The following R3HCC1L variants were observed in gnomAD, a reference collection of about 807,000 sequenced individuals.
The protein encoded by R3HCC1L is R3H domain and coiled-coil containing 1 like.
Under a neutral mutation model 59.9 loss-of-function variants are expected in R3HCC1L, and 51 were observed. The observed-to-expected ratio is 0.85, with a 90% CI of 0.68 to 1.07. The LOEUF is 1.07. R3HCC1L is among the 50% of genes least tolerant of loss of function. The probability of loss-of-function intolerance (pLI) is 0.00; values close to 1 mark genes in which losing one functional copy is unlikely to be tolerated. For synonymous variants in R3HCC1L, 322 were observed against 315.2 expected (o/e 1.02, Z -0.23); for missense variants, 965 against 933.0 (o/e 1.03, Z -0.45).
intron 5 of R3HCC1L, among the ~76,000 whole-genome samples, chr10:98,214,008 G>A (rs573005176): frequency 6.6e-6 from 1 of 152,134 alleles, no homozygotes; most frequent in African/African-American, 2.4e-5. Flanking sequence ...CTAGATCTCT[G>A]GTCCAAACAG....
At chr10:98,156,383 T>C (rs1846883538) in intron 2 of R3HCC1L, among the ~76,000 whole-genome samples, 1 of 152,194 alleles carries the variant, frequency 6.6e-6, no homozygotes. Flanking sequence ...TGCCTTCTGC[T>C]GCTGGTGCAC....
At chr10:98,184,734 A>G (rs1015581330) in intron 4 of R3HCC1L, among the ~76,000 whole-genome samples, 4 of 151,916 alleles carry the variant, frequency 2.6e-5, no homozygotes, top group African/African-American at 9.7e-5. Flanking sequence ...AGGTGTTTCC[A>G]TTTTCTCTGG....
chr10:98,189,794 T>C (rs1850636215), intron 4 of R3HCC1L, among the ~76,000 whole-genome samples: 2 of 152,224 alleles, frequency 1.3e-5, no homozygotes, highest in South Asian at 2.1e-4. Flanking sequence ...TTTTAAAATA[T>C]GAAGCCATTT....
chr10:98,146,382 T>G (rs1241765587), intron 1 of R3HCC1L, among the ~76,000 whole-genome samples: 1 of 152,252 alleles, frequency 6.6e-6, no homozygotes, highest in Non-Finnish European at 1.5e-5. Context: ...TTAGTCATCC[T>G]ACTGATCTAT....
At chr10:98,134,817 G>T (rs1246792243) in intron 1 of R3HCC1L, 111 bp downstream of exon 1, 1 of 152,252 alleles carries the variant, frequency 6.6e-6, no homozygotes, top group Admixed American at 6.5e-5. Context: ...TTTGTTGCTG[G>T]TATTTTTTTT....
Position 98,208,052 on chromosome 10 carries a change from C to G in R3HCC1L, c.-14-49C>G, listed in dbSNP as rs528750317. On this transcript the variant is annotated intron_variant, in intron 4 of 9. Coordinates refer to ENST00000298999, the MANE Select transcript of R3HCC1L (RefSeq NM_001351015.2). ...AAAGAAAAAAGAAAATATTTTGGTT[C>G]AATACATTGTAATTAGTGTCTAATA... is the stretch of plus-strand genomic sequence containing the variant. The G allele has an allele frequency of 1.8e-3, 2,661 of 1,491,664 alleles. 4 individuals carry two copies. Among genetic ancestry groups the G allele is most frequent in the Non-Finnish European group, 2.3e-3 (2,553 of 1,115,782 alleles). The allele number at this position is 1,491,664 out of a possible 1,614,324, so 92.4% of individuals were successfully genotyped here. A position where few individuals can be genotyped will look rare whatever the true frequency, so the allele number is the denominator to read the frequency against.
At chr10:98,227,211 G>T (rs1855762834) in intron 5 of R3HCC1L, among the ~76,000 whole-genome samples, 1 of 152,134 alleles carries the variant, frequency 6.6e-6, no homozygotes, top group Non-Finnish European at 1.5e-5. Flanking sequence ...TTTAGTCCAT[G>T]CACTTATCTA....
In R3HCC1L at chr10:98,235,668, G is replaced by C; in HGVS notation, c.2128+148G>C. 6 of 742,600 alleles carry C rather than the reference G, an allele frequency of 8.1e-6. No individual in the cohort carries two copies. In the South Asian group the frequency reaches 1.3e-4, roughly 16 times the overall value. 46.0% of individuals were successfully genotyped at this position (742,600 alleles called of 1,614,324 possible). A position where few individuals can be genotyped will look rare whatever the true frequency, so the allele number is the denominator to read the frequency against. On this transcript the variant is annotated intron_variant, in intron 8 of 9. Transcript: ENST00000298999. ...TGTTTTTAAGAAAAAATAAATAAAA[G>C]GGAAATGACCATGTTGGAAATATGG...
At chr10:98,219,740 T>A (rs190604305) in intron 5 of R3HCC1L, among the ~76,000 whole-genome samples, 2 of 152,310 alleles carry the variant, frequency 1.3e-5, no homozygotes, top group South Asian at 2.1e-4. Context: ...ACAACTTTAT[T>A]GTTGTTCCCA....
intron 4 of R3HCC1L, among the ~76,000 whole-genome samples, chr10:98,201,417 C>A (rs1852030906): frequency 6.6e-6 from 1 of 152,026 alleles, no homozygotes; most frequent in Non-Finnish European, 1.5e-5. Context: ...TTTTATAATT[C>A]CAAAGAATAT....
Position 98,158,284 on chromosome 10 carries a change from T to G in R3HCC1L, c.-213+2137T>G, listed in dbSNP as rs149466483. ...ATTTTTTCCAACCATAAATGGCTCTTGAGTCGAGAATTTTTTTGCACAGAA... is the reference window on the plus strand; with the variant it reads ...ATTTTTTCCAACCATAAATGGCTCTGGAGTCGAGAATTTTTTTGCACAGAA... On this transcript the variant is annotated intron_variant, in intron 2 of 9. Coordinates refer to ENST00000298999, the MANE Select transcript of R3HCC1L (RefSeq NM_001351015.2). Among the ~76,000 whole-genome samples the G allele has an allele frequency of 1.7e-3, 255 of 152,300 alleles. 1 individual carries two copies. Among genetic ancestry groups the G allele is most frequent in the African/African-American group, 5.9e-3 (245 of 41,556 alleles).
At chr10:98,150,592 G>A (rs762395709) in intron 1 of R3HCC1L, among the ~76,000 whole-genome samples, 5 of 151,682 alleles carry the variant, frequency 3.3e-5, no homozygotes, top group Non-Finnish European at 7.4e-5. Flanking sequence ...GGTTTGCCTC[G>A]GTTCTAGTAA....
At chr10:98,152,681 GA>G in intron 1 of R3HCC1L, among the ~76,000 whole-genome samples, 1 of 72,194 alleles carries the variant, frequency 1.4e-5, no homozygotes. Flanking sequence ...GCCCGGCCGC[GA>G]CCCCGTCTGG....
At chr10:98,195,133 A>T (rs1255026964) in intron 4 of R3HCC1L, among the ~76,000 whole-genome samples, 1 of 152,178 alleles carries the variant, frequency 6.6e-6, no homozygotes, top group East Asian at 1.9e-4. Flanking sequence ...ATATCATCCA[A>T]CCTTATGAGG....
At chr10:98,220,887 T>C in intron 5 of R3HCC1L, among the ~76,000 whole-genome samples, 4 of 143,306 alleles carry the variant, frequency 2.8e-5, no homozygotes, top group Admixed American at 7.0e-5. Context: ...CCTTTGGGTA[T>C]ATACCCAGTA....
chr10:98,200,487 C>G (rs1188870234), intron 4 of R3HCC1L, among the ~76,000 whole-genome samples: 1 of 152,062 alleles, frequency 6.6e-6, no homozygotes, highest in Non-Finnish European at 1.5e-5. Context: ...TGGCAAATTT[C>G]TGTACATGCA....
rs753163228 is a variant in R3HCC1L, at chr10:98,208,420, T to TA, written c.307dup (p.Arg103LysfsTer5). On this transcript the variant is annotated frameshift_variant, in exon 5 of 10. Transcript: ENST00000298999. LOFTEE classifies it high-confidence loss of function. ...TGGACACATGCCTTCAAAAAACAAA[T>TA]AGAGTTTGTTCTAAGAGAGGAACCA... 4.3e-6 allele frequency: 7 copies of TA among 1,613,772 alleles called. No individual in the cohort carries two copies. The highest frequency in any genetic ancestry group is 2.2e-5 in the East Asian group (1 of 44,874).
In R3HCC1L at chr10:98,231,630, A is replaced by G. The variant is rs1299676704; in HGVS notation, c.1904A>G (p.Tyr635Cys). The change falls in exon 6 of 10, where the codon TAT becomes TGT. Residue 635 changes from tyrosine to cysteine, a missense_variant. Transcript: ENST00000298999. ...GAATTCCCACATGTCATTGAAATTTATGACTTTCCCCAAGAATTTCATACT... is the reference window on the plus strand; with the variant it reads ...GAATTCCCACATGTCATTGAAATTTGTGACTTTCCCCAAGAATTTCATACT... ...DCEFPHVIEI[Y>C]DFPQEFHTED... 3.1e-6 allele frequency: 5 copies of G among 1,612,668 alleles called. No individual in the cohort carries two copies. The highest frequency in any genetic ancestry group is 1.7e-5 in the Admixed American group (1 of 59,892).
At chr10:98,235,609 C>T (rs1856845452) in intron 8 of R3HCC1L, 89 bp downstream of exon 8, 1 of 934,558 alleles carries the variant, frequency 1.1e-6, no homozygotes, top group Non-Finnish European at 1.6e-6. Context: ...CATCTAAAGA[C>T]ATATCACTTT....
Sources: allele counts gnomAD v4.1 joint callset (sites outside exome capture counted in the v4.1 genomes callset), GRCh38; gene constraint gnomAD v4.1.1; transcripts MANE v1.5; gene names NCBI Gene and HGNC (gene_info 2026-07-23, HGNC 2026-07-21).